ELL: variants seen among roughly 807,000 people sequenced by gnomAD.
ELL encodes elongation factor for RNA polymerase II.
A neutral mutation model predicts 64.0 loss-of-function variants in ELL; 18 were observed. The ratio of observed to expected loss-of-function variants is 0.28; its 90% CI spans 0.19 to 0.42. The LOEUF (loss-of-function observed/expected upper bound fraction) is 0.42. ELL is among the 10% of genes least tolerant of loss of function. The pLI is 1.00. For missense variants in ELL, 797 were observed against 870.4 expected, an observed-to-expected ratio of 0.92 and a Z score of 1.06; for synonymous variants, 399 against 376.2, an observed-to-expected ratio of 1.06 and a Z score of -0.70.
chr19:18,444,149 A>G lies in ELL; in HGVS notation c.*603T>C. The G allele has an allele frequency of 4.3e-6, 1 of 230,680 alleles. No homozygotes were observed. 14.3% of individuals were successfully genotyped at this position (230,680 alleles called of 1,614,324 possible). A position where few individuals can be genotyped will look rare whatever the true frequency, so the allele number is the denominator to read the frequency against. On this transcript the variant is annotated 3_prime_UTR_variant, in exon 12 of 12. Coordinates refer to ENST00000262809, the MANE Select transcript of ELL (RefSeq NM_006532.4). ...GGCCACCCTGTTTGCTTGCTGGAGCAGAGACCCTGCCCAAGGAGGAGAGGC... is the reference window on the plus strand; with the variant it reads ...GGCCACCCTGTTTGCTTGCTGGAGCGGAGACCCTGCCCAAGGAGGAGAGGC...
chr19:18,445,381 C>T (rs1974390231), intron 10 of ELL, 113 bp from the exon 11 acceptor site: 3 of 1,100,788 alleles, frequency 2.7e-6, no homozygotes, highest in Non-Finnish European at 4.1e-6. Flanking sequence ...GGGGCAGCCT[C>T]AAGGACAAGG....
chr19:18,468,417 C>T (rs1974997352), intron 2 of ELL, among the ~76,000 whole-genome samples: 1 of 152,224 alleles, frequency 6.6e-6, no homozygotes, highest in Non-Finnish European at 1.5e-5. Flanking sequence ...GCCCTGCCTG[C>T]ACCTCCCTTC....
intron 1 of ELL, among the ~76,000 whole-genome samples, chr19:18,504,011 G>A (rs1465915426): frequency 6.6e-6 from 1 of 152,218 alleles, no homozygotes; most frequent in Non-Finnish European, 1.5e-5. Context: ...TGATCCAAGG[G>A]GCTCACTGAA....
intron 1 of ELL, among the ~76,000 whole-genome samples, chr19:18,516,447 G>A (rs1415642782): frequency 6.6e-6 from 1 of 152,162 alleles, no homozygotes; most frequent in African/African-American, 2.4e-5. Flanking sequence ...GACCGCCGGT[G>A]AGTTACTCTT....
Position 18,461,738 on chromosome 19 carries a change from G to A in ELL, c.584C>T (p.Ala195Val). ...ASAIRKSGASAVSGGSGVSQR... is the reference protein window; with the variant it reads ...ASAIRKSGASVVSGGSGVSQR... Reference sequence around the variant, plus strand: ...GGACACCCCGCTGCCCCCACTCACGGCACTGGCACCACTCTTCCTGATGGC... The same window carrying A: ...GGACACCCCGCTGCCCCCACTCACGACACTGGCACCACTCTTCCTGATGGC... The change falls in exon 5 of 12, where the codon GCC (alanine) becomes GTC (valine). Residue 195 changes from alanine (A) to valine (V), a missense_variant. Ala to Val is a moderately conservative substitution (Grantham distance 64). Coordinates refer to ENST00000262809, the MANE Select transcript of ELL (RefSeq NM_006532.4). The A allele has an allele frequency of 6.2e-7, 1 of 1,613,902 alleles. No homozygotes were observed. Among genetic ancestry groups the A allele is most frequent in the Non-Finnish European group, 8.5e-7 (1 of 1,180,006 alleles).
chr19:18,479,691 AGAGT>A (rs1411802999), intron 1 of ELL, among the ~76,000 whole-genome samples: 5 of 135,422 alleles, frequency 3.7e-5, no homozygotes, highest in African/African-American at 1.2e-4. Context: ...CCTGCACGAC[AGAGT>A]GAGACTCCAT....
intron 8 of ELL, 88 bp downstream of exon 8, chr19:18,450,389 T>C: frequency 6.5e-7 from 1 of 1,539,948 alleles, no homozygotes; most frequent in South Asian, 1.2e-5. Context: ...CTTCTACAGC[T>C]TGAGCCCCCT....
chr19:18,505,605 G>A (rs1471601250), intron 1 of ELL, among the ~76,000 whole-genome samples: 1 of 152,178 alleles, frequency 6.6e-6, no homozygotes, highest in Non-Finnish European at 1.5e-5. Flanking sequence ...TTCTGTGATG[G>A]GAAAGGGCTA....
intron 10 of ELL, 96 bp from the exon 11 acceptor site, chr19:18,445,364 G>T: frequency 8.3e-7 from 1 of 1,207,794 alleles, no homozygotes; most frequent in South Asian, 1.2e-5. Context: ...AGGGGGCATG[G>T]GAGGGTGGGG....
Position 18,446,517 on chromosome 19 carries a change from G to A in ELL, c.1533-37C>T, listed in dbSNP as rs969012894. 6.3e-6 allele frequency: 10 copies of A among 1,597,556 alleles called. No individual in the cohort carries two copies. The African/African-American group carries it at 1.3e-4, about 21-fold the overall frequency. On this transcript the variant is annotated intron_variant, in intron 9 of 11. Transcript: ENST00000262809. ...GAGAGGGGCCACTGAGTGGAGGCTG[G>A]AAGGACCCAGCCCCACCCAGGAAGT...
At chr19:18,498,120 T>C (rs921414468) in intron 1 of ELL, among the ~76,000 whole-genome samples, 2 of 151,486 alleles carry the variant, frequency 1.3e-5, no homozygotes, top group African/African-American at 4.9e-5. Context: ...AGAGCGAAAC[T>C]TGGTCTCAAA....
chr19:18,510,292 C>T lies in ELL; in HGVS notation c.135+11629G>A, dbSNP rs538673122. Among the ~76,000 whole-genome samples, 6 of 152,374 alleles carry T rather than the reference C, an allele frequency of 3.9e-5. No individual in the cohort carries two copies. In the East Asian group the frequency reaches 1.2e-3, roughly 29 times the overall value. ...GGCTGAGGCACGAGAATTGCTTGAA[C>T]CTGGGAGGTGGAGGTTGCAGTGAGC... On this transcript the variant is annotated intron_variant, in intron 1 of 11. Coordinates refer to ENST00000262809, the MANE Select transcript of ELL (RefSeq NM_006532.4).
At chr19:18,487,378 A>T (rs1975441126) in intron 1 of ELL, among the ~76,000 whole-genome samples, 1 of 152,204 alleles carries the variant, frequency 6.6e-6, no homozygotes, top group African/African-American at 2.4e-5. Context: ...TTCGTGCTTG[A>T]GGAGCAGCTG....
intron 6 of ELL, among the ~76,000 whole-genome samples, chr19:18,455,327 C>G (rs1456000067): frequency 5.3e-5 from 8 of 149,866 alleles, no homozygotes; most frequent in African/African-American, 2.0e-4. Flanking sequence ...CCCATCTCTA[C>G]TAAAAATACA....
At chr19:18,458,365 C>A (rs1334575134) in intron 5 of ELL, 36 bp from the exon 6 acceptor site, 5 of 1,596,112 alleles carry the variant, frequency 3.1e-6, no homozygotes, top group Non-Finnish European at 4.3e-6. Context: ...TTGTGGGAAT[C>A]CTGAGAGAGA....
In ELL at chr19:18,462,373, G is replaced by GTTT. The variant is rs1174404170; in HGVS notation, c.470-522_470-521insAAA. 2.1e-4 allele frequency among the ~76,000 whole-genome samples: 17 copies of GTTT among 82,174 alleles called. 5 individuals carry two copies. Among genetic ancestry groups the GTTT allele is most frequent in the African/African-American group, 1.1e-3 (16 of 15,018 alleles). 53.9% of individuals were successfully genotyped at this position (82,174 alleles called of 152,430 possible). On this transcript the variant is annotated intron_variant, in intron 4 of 11. Coordinates refer to ENST00000262809, the MANE Select transcript of ELL (RefSeq NM_006532.4). Reference sequence around the variant, plus strand: ...TGTGTGTGTGTGTGTGTTTGGGCGGGGGGCGGGGGGGGAAGGATTGTTTTG... The same window carrying GTTT: ...TGTGTGTGTGTGTGTGTTTGGGCGGGTTTGGGCGGGGGGGGAAGGATTGTTTTG...
intron 1 of ELL, among the ~76,000 whole-genome samples, chr19:18,489,701 G>T (rs1173594883): frequency 6.6e-6 from 1 of 152,182 alleles, no homozygotes; most frequent in East Asian, 1.9e-4. Context: ...GCCTACTGCA[G>T]TCTAGATCCT....
At chr19:18,459,666 C>G (rs1450537196) in intron 5 of ELL, among the ~76,000 whole-genome samples, 1 of 151,966 alleles carries the variant, frequency 6.6e-6, no homozygotes, top group Non-Finnish European at 1.5e-5. Flanking sequence ...ACTACAGGCA[C>G]CCGCCACCAC....
At position 18,444,767 on chromosome 19, in the gene ELL, C is replaced by T. The variant is rs768028909; in HGVS notation, c.1851G>A (p.Leu617=). 30 of 1,604,910 alleles carry T rather than the reference C, an allele frequency of 1.9e-5. No homozygotes were observed. The highest frequency in any genetic ancestry group is 2.3e-5 in the Non-Finnish European group (27 of 1,178,520). ...RLIAEYDQRQ[L]QAWP ...GGGAGGGCGGCTAGGGCCAAGCCTG[C>T]AGCTGCCGCTGGTCGTACTCGGCGA... is the stretch of plus-strand genomic sequence containing the variant. Residue 617 remains leucine, a synonymous_variant, in exon 12 of 12, where the codon CTG becomes CTA. Coordinates refer to ENST00000262809, the MANE Select transcript of ELL (RefSeq NM_006532.4).
Sources: allele counts gnomAD v4.1 joint callset (sites outside exome capture counted in the v4.1 genomes callset), GRCh38; gene constraint gnomAD v4.1.1; transcripts MANE v1.5; gene names NCBI Gene and HGNC (gene_info 2026-07-23, HGNC 2026-07-21).